IAPP: variants seen among roughly 807,000 people sequenced by gnomAD.
IAPP encodes the protein islet amyloid polypeptide.
A neutral mutation model predicts 2.9 loss-of-function variants in IAPP; 4 were observed. The observed-to-expected ratio is 1.39, with a 90% CI of 0.69 to 3.19. IAPP has a LOEUF of 3.19. IAPP is among the 30% of genes most tolerant of loss of function. The pLI is 0.01. For synonymous variants in IAPP, 40 were observed against 42.1 expected (o/e 0.95, Z 0.19); for missense variants, 114 against 105.3 (o/e 1.08, Z -0.36).
chr12:21,361,246 C>G (rs1938846369), intron 1 of IAPP, among the ~76,000 whole-genome samples: 12 of 152,192 alleles, frequency 7.9e-5, no homozygotes, highest in Admixed American at 7.9e-4. Flanking sequence ...TGTTCTTCAG[C>G]CTCCGCTGGT....
intron 1 of IAPP, among the ~76,000 whole-genome samples, chr12:21,361,971 T>G (rs963720155): frequency 4.6e-5 from 7 of 152,100 alleles, no homozygotes; most frequent in Non-Finnish European, 7.4e-5. Context: ...AAAACACTCT[T>G]CAGGATATCA....
chr12:21,369,468 A>C (rs1591890349), upstream of IAPP, among the ~76,000 whole-genome samples: 2 of 152,226 alleles, frequency 1.3e-5, no homozygotes, highest in South Asian at 4.1e-4. Context: ...CTCTGCACTT[A>C]ATAGCTCTTT....
At position 21,356,266 on chromosome 12, in the gene IAPP, C is replaced by T. The variant is rs550114588; in HGVS notation, c.-16+1253C>T. Among the ~76,000 whole-genome samples, 4 of 151,888 alleles carry T rather than the reference C, an allele frequency of 2.6e-5. No homozygotes were observed. The East Asian group carries it at 7.7e-4, about 29-fold the overall frequency. ...GAATAAAGTCTGGTAATATTAAGCA[C>T]TATGGAATAATTATCATTATTAATA... On this transcript the variant is annotated intron_variant, in intron 1 of 2. Coordinates refer to the IAPP transcript ENST00000539393.
Position 21,379,758 on chromosome 12 carries a change from AT to A in IAPP, c.*1333del, listed in dbSNP as rs1420010655. On this transcript the variant is annotated 3_prime_UTR_variant, in exon 3 of 3. Transcript: ENST00000240652. ...TTGTACTTTTAAAAAAATAGAAAAA[AT>A]AAGCATTTCAATCTAAGTGGAAATT... is the stretch of plus-strand genomic sequence containing the variant. 1 of 152,180 alleles carries A rather than the reference AT, an allele frequency of 6.6e-6. No homozygotes were observed. Among genetic ancestry groups the A allele is most frequent in the African/African-American group, 2.4e-5 (1 of 41,428 alleles). The allele number at this position is 152,180 out of a possible 1,614,324, so 9.4% of individuals were successfully genotyped here.
At chr12:21,356,145 G>A (rs940252414) in intron 1 of IAPP, among the ~76,000 whole-genome samples, 2 of 151,950 alleles carry the variant, frequency 1.3e-5, no homozygotes, top group Non-Finnish European at 2.9e-5. Flanking sequence ...GTGACTTTGA[G>A]TATGTTACTA....
chr12:21,358,386 C>A (rs1474015559), intron 1 of IAPP, among the ~76,000 whole-genome samples: 1 of 152,080 alleles, frequency 6.6e-6, no homozygotes, highest in Non-Finnish European at 1.5e-5. Context: ...TTTTTCCTCT[C>A]CAAAAAATGT....
chr12:21,357,040 G>A (rs957868325), intron 1 of IAPP, among the ~76,000 whole-genome samples: 1 of 151,570 alleles, frequency 6.6e-6, no homozygotes, highest in Non-Finnish European at 1.5e-5. Flanking sequence ...AAAGATTTAC[G>A]AACAAAATCT....
At chr12:21,378,135 T>G in intron 2 of IAPP, 102 bp from the exon 3 acceptor site, 1 of 1,081,594 alleles carries the variant, frequency 9.2e-7, no homozygotes, top group Non-Finnish European at 1.4e-6. Context: ...ATGTGAAAAT[T>G]GTTTCTTTGG....
At chr12:21,365,332 C>G (rs1221957013) in intron 1 of IAPP, among the ~76,000 whole-genome samples, 6 of 152,288 alleles carry the variant, frequency 3.9e-5, no homozygotes, top group Admixed American at 2.6e-4. Context: ...GCTGGGAAAA[C>G]TGGCTAGCCA....
intron 2 of IAPP, among the ~76,000 whole-genome samples, chr12:21,374,792 C>CT (rs1180151557): frequency 6.6e-6 from 1 of 151,384 alleles, no homozygotes; most frequent in African/African-American, 2.4e-5. Context: ...TTTACCCTCT[C>CT]TTTTTTTTAT....
chr12:21,371,936 A>C (rs2137087681), upstream of IAPP, among the ~76,000 whole-genome samples: 1 of 152,226 alleles, frequency 6.6e-6, no homozygotes. Context: ...CGGGAGGCAC[A>C]GGTTACAGTG....
At chr12:21,373,746 T>C (rs1210556291) in intron 2 of IAPP, 1 of 700,402 alleles carries the variant, frequency 1.4e-6, no homozygotes, top group Non-Finnish European at 2.6e-6. Flanking sequence ...AGTAATTTCT[T>C]CTATATTAAC....
upstream of IAPP, among the ~76,000 whole-genome samples, chr12:21,368,038 C>T (rs77247085): frequency 0.038 from 5,804 of 152,110 alleles, 153 homozygotes; most frequent in African/African-American, 0.069. Context: ...CAATTATCAG[C>T]AAAGATTGCT....
At chr12:21,373,960 T>C (rs563260181) in intron 2 of IAPP, among the ~76,000 whole-genome samples, 1 of 152,242 alleles carries the variant, frequency 6.6e-6, no homozygotes, top group African/African-American at 2.4e-5. Context: ...CTAAAAGAAG[T>C]AGTTAAAAAG....
intron 2 of IAPP, among the ~76,000 whole-genome samples, chr12:21,373,922 G>C: frequency 6.6e-6 from 1 of 152,106 alleles, no homozygotes; most frequent in East Asian, 1.9e-4. Context: ...ATAATCAGGA[G>C]CAAATTAATG....
At chr12:21,356,041 G>A (rs1387021007) in intron 1 of IAPP, among the ~76,000 whole-genome samples, 1 of 151,856 alleles carries the variant, frequency 6.6e-6, no homozygotes, top group African/African-American at 2.4e-5. Flanking sequence ...ATCACAAAAG[G>A]CATCAAATAA....
intron 1 of IAPP, among the ~76,000 whole-genome samples, chr12:21,359,488 C>T (rs2137040428): frequency 6.6e-6 from 1 of 152,296 alleles, no homozygotes; most frequent in African/African-American, 2.4e-5. Context: ...TGGCCTTCTT[C>T]CTACCCAATA....
chr12:21,356,514 G>C (rs557861011), intron 1 of IAPP, among the ~76,000 whole-genome samples: 49 of 145,826 alleles, frequency 3.4e-4, no homozygotes, highest in African/African-American at 1.2e-3. Flanking sequence ...AAAGGAAGGA[G>C]AGAGGTAAGA....
intron 2 of IAPP, chr12:21,373,670 A>G (rs1409685287): frequency 1.3e-5 from 9 of 701,334 alleles, no homozygotes; most frequent in African/African-American, 5.2e-5. Flanking sequence ...AGTTTTGTCA[A>G]GAAATATACT....
Sources: allele counts gnomAD v4.1 joint callset (sites outside exome capture counted in the v4.1 genomes callset), GRCh38; gene constraint gnomAD v4.1.1; transcripts MANE v1.5; gene names NCBI Gene and HGNC (gene_info 2026-07-23, HGNC 2026-07-21).